The following WDR64 variants were observed in gnomAD, a reference collection of about 807,000 sequenced individuals.
WDR64 encodes the protein WD repeat domain 64, also known as WD repeat-containing protein 64.
WDR64 carries 112 observed loss-of-function variants against 139.3 expected under a neutral mutation model. The observed-to-expected ratio is 0.80, with a 90% confidence interval of 0.69 to 0.94. The LOEUF (loss-of-function observed/expected upper bound fraction) is 0.94, where lower values mean the gene tolerates loss of function less well. WDR64 is among the 40% of genes least tolerant of loss of function. The pLI is 0.00. For missense variants in WDR64, 1,206 were observed against 1,293.1 expected (o/e 0.93, Z 1.03); for synonymous variants, 444 against 437.7 (o/e 1.01, Z -0.18).
In WDR64 at chr1:241,801,142, G is replaced by A; in HGVS notation, c.3203G>A (p.Arg1068Lys). 1 of 1,613,364 alleles carries A rather than the reference G, an allele frequency of 6.2e-7. No homozygotes were observed. The highest frequency in any genetic ancestry group is 8.5e-7 in the Non-Finnish European group (1 of 1,179,636). ...GHVQREKAPR[R>K]RSLKKNLVPQ... ...CTCTTTATTTCACAGGCACCACGAA[G>A]AAGAAGTTTGAAAAAAAATTTAGTC... The change falls in exon 28 of 28, where the codon AGA becomes AAA. Residue 1068 changes from arginine (R) to lysine (K), a missense_variant. By Grantham distance (26) the Arg-to-Lys change is conservative. Transcript: ENST00000437684.
intron 20 of WDR64, among the ~76,000 whole-genome samples, chr1:241,773,392 C>T (rs553753354): frequency 6.6e-5 from 10 of 152,250 alleles, no homozygotes; most frequent in East Asian, 1.9e-4. Context: ...AAGGTGAATC[C>T]GGCATGAAGA....
At chr1:241,764,926 C>G (rs1658088473) in intron 15 of WDR64, among the ~76,000 whole-genome samples, 1 of 152,104 alleles carries the variant, frequency 6.6e-6, no homozygotes. Flanking sequence ...TGGCTCATGC[C>G]TATAATCCCA....
chr1:241,716,948 G>A (rs1254423014), intron 9 of WDR64, among the ~76,000 whole-genome samples: 1 of 152,138 alleles, frequency 6.6e-6, no homozygotes, highest in African/African-American at 2.4e-5. Context: ...TTCTTCGTGT[G>A]ATATACAAGT....
intron 8 of WDR64, among the ~76,000 whole-genome samples, chr1:241,694,930 G>A (rs886310887): frequency 1.3e-5 from 2 of 152,084 alleles, no homozygotes; most frequent in South Asian, 4.1e-4. Flanking sequence ...TCTAAGCCAC[G>A]ACCCCTGCCT....
chr1:241,657,511 T>C (rs1450350140), intron 1 of WDR64, among the ~76,000 whole-genome samples: 1 of 152,200 alleles, frequency 6.6e-6, no homozygotes, highest in East Asian at 1.9e-4. Context: ...ACTGACCTTC[T>C]TGGAACATGC....
chr1:241,735,597 C>T (rs568298198), intron 10 of WDR64, among the ~76,000 whole-genome samples: 2 of 133,338 alleles, frequency 1.5e-5, no homozygotes, highest in African/African-American at 3.0e-5. Context: ...TGCTGTAGTG[C>T]GATCTTGGCT....
chr1:241,713,589 AGATT>A (rs67840235), intron 9 of WDR64, among the ~76,000 whole-genome samples: 23,972 of 151,794 alleles, frequency 0.16, 1,985 homozygotes, highest in South Asian at 0.19. Context: ...ATGGTGTTTG[AGATT>A]GATTGAGATA....
intron 10 of WDR64, among the ~76,000 whole-genome samples, chr1:241,728,981 T>C (rs562541980): frequency 2.6e-5 from 4 of 152,340 alleles, no homozygotes; most frequent in African/African-American, 9.6e-5. Flanking sequence ...TGAGTGTGCA[T>C]ATCTTCAAAG....
chr1:241,687,668 C>T lies in WDR64; in HGVS notation c.974+73C>T. The T allele has an allele frequency of 2.1e-6, 3 of 1,420,466 alleles. No individual in the cohort carries two copies. In the South Asian group the frequency reaches 4.0e-5, roughly 19 times the overall value. The allele number at this position is 1,420,466 out of a possible 1,614,324, so 88.0% of individuals were successfully genotyped here. On this transcript the variant is annotated intron_variant, in intron 8 of 27. Transcript: ENST00000437684. ...TTTTACAATGATAAAACCATGACAG[C>T]TTTGAAACTTTCAAACTGGCTTTAA...
chr1:241,795,373 G>C, intron 26 of WDR64, 86 bp downstream of exon 26: 1 of 1,253,464 alleles, frequency 8.0e-7, no homozygotes. Flanking sequence ...ACCAAGCAAG[G>C]TTGGAGAAAA....
At chr1:241,735,094 T>G (rs1368118343) in intron 10 of WDR64, among the ~76,000 whole-genome samples, 2 of 152,234 alleles carry the variant, frequency 1.3e-5, no homozygotes, top group Non-Finnish European at 2.9e-5. Flanking sequence ...ACAGCATTAG[T>G]GCAAGTGTCC....
intron 23 of WDR64, 128 bp from the exon 24 acceptor site, chr1:241,787,721 G>A: frequency 1.2e-5 from 8 of 677,464 alleles, no homozygotes; most frequent in Admixed American, 3.0e-5. Flanking sequence ...TTCATAGAAA[G>A]GGTCTTGAAC....
intron 14 of WDR64, among the ~76,000 whole-genome samples, chr1:241,753,201 G>T (rs1421644727): frequency 6.6e-6 from 1 of 152,126 alleles, no homozygotes; most frequent in Non-Finnish European, 1.5e-5. Flanking sequence ...TATGTACCTT[G>T]CCCGAGGTCC....
chr1:241,659,315 G>A (rs1049587497), intron 1 of WDR64, among the ~76,000 whole-genome samples: 3 of 152,106 alleles, frequency 2.0e-5, no homozygotes, highest in African/African-American at 7.2e-5. Context: ...ATCATTGATG[G>A]GCATTTGTAT....
rs1389466464 is a variant in WDR64 at position 241,703,778 on chromosome 1, G to T, written c.975-8024G>T. ...GTTAATTGACTCACAGTTCCACATG[G>T]CTGGGGAGGCTTCAGGAAACTTACA... On this transcript the variant is annotated intron_variant, in intron 8 of 27. Transcript: ENST00000437684. The surrounding 1 kb of genome is among the most constrained non-coding windows in gnomAD (Gnocchi z 5.9). Among the ~76,000 whole-genome samples the T allele has an allele frequency of 1.3e-5, 2 of 152,144 alleles. No homozygotes were observed. The highest frequency in any genetic ancestry group is 2.9e-5 in the Non-Finnish European group (2 of 68,024).
chr1:241,758,004 A>G (rs1405053759), intron 15 of WDR64, among the ~76,000 whole-genome samples: 1 of 152,170 alleles, frequency 6.6e-6, no homozygotes, highest in African/African-American at 2.4e-5. Context: ...GTTGGTTTCA[A>G]CAACCAAGAT....
Position 241,773,401 on chromosome 1 carries a change from G to T in WDR64, c.2430+470G>T, listed in dbSNP as rs577085008. Among the ~76,000 whole-genome samples the T allele has an allele frequency of 6.6e-5, 10 of 152,308 alleles. No individual in the cohort carries two copies. In the East Asian group the frequency reaches 1.7e-3, roughly 26 times the overall value. On this transcript the variant is annotated intron_variant, in intron 20 of 27. Transcript: ENST00000437684. The stretch of plus-strand genomic sequence containing the variant: ...GCAGGAAAGGTGAATCCGGCATGAA[G>T]ATTTACTAGAAAAATCTATTGAGCC...
At position 241,708,700 on chromosome 1, in the gene WDR64, TTTTGTTTTTTTG is replaced by T. The variant is rs869225159; in HGVS notation, c.975-3098_975-3087del. On this transcript the variant is annotated intron_variant, in intron 8 of 27. Transcript: ENST00000437684. The stretch of plus-strand genomic sequence containing the variant: ...TAGGGCTGAGGTCCATGGTTTTTTT[TTTTGTTTTTTTG>T]TTTTTTTTTTTAAGGATTGGGTTTC... Among the ~76,000 whole-genome samples the T allele has an allele frequency of 1.8e-4, 10 of 57,004 alleles. 1 individual carries two copies. The highest frequency in any genetic ancestry group is 2.7e-4 in the Non-Finnish European group (7 of 25,680). 37.4% of individuals were successfully genotyped at this position (57,004 alleles called of 152,430 possible).
intron 27 of WDR64, among the ~76,000 whole-genome samples, chr1:241,800,509 T>A (rs993505594): frequency 9.9e-5 from 15 of 152,200 alleles, no homozygotes; most frequent in African/African-American, 3.4e-4. Flanking sequence ...TAGCTGGACG[T>A]GGTGACACAT....
Sources: allele counts gnomAD v4.1 joint callset (sites outside exome capture counted in the v4.1 genomes callset), GRCh38; gene constraint gnomAD v4.1.1; non-coding constraint Gnocchi (gnomAD v3.1); transcripts MANE v1.5; gene names NCBI Gene and HGNC (gene_info 2026-07-23, HGNC 2026-07-21).